TET3: variants seen among roughly 807,000 people sequenced by gnomAD.
TET3 encodes tet methylcytosine dioxygenase 3.
Under a neutral mutation model 141.4 loss-of-function variants are expected in TET3, and 19 were observed. That is an observed-to-expected ratio of 0.13 (90% CI 0.09 to 0.20). The LOEUF (loss-of-function observed/expected upper bound fraction) is 0.20. Among genes scored for constraint, TET3 ranks in the 10% least tolerant of loss-of-function variants. The pLI is 1.00. For missense variants in TET3, 1,874 were observed against 2,356.9 expected (o/e 0.80, Z 4.24); for synonymous variants, 1,043 against 980.9 (o/e 1.06, Z -1.18).
chr2:74,040,000 A>G (rs1687259387), intron 3 of TET3, among the ~76,000 whole-genome samples: 1 of 152,128 alleles, frequency 6.6e-6, no homozygotes, highest in African/African-American at 2.4e-5. Flanking sequence ...TCCATGGGGG[A>G]AATGTCCAAG....
chr2:74,022,854 G>A lies in TET3; in HGVS notation c.360+19688G>A, dbSNP rs187063218. On this transcript the variant is annotated intron_variant, in intron 3 of 11. Transcript: ENST00000409262. ...TGCAGTGGCATGATCTTGGCTCACC[G>A]CAACCTCCACCTCCCAGTTCAAGCG... 2.6e-3 allele frequency among the ~76,000 whole-genome samples: 392 copies of A among 152,096 alleles called. 2 individuals carry two copies. Among genetic ancestry groups the A allele is most frequent in the African/African-American group, 8.5e-3 (352 of 41,470 alleles).
chr2:74,068,108 G>A (rs1007681203), intron 4 of TET3, among the ~76,000 whole-genome samples: 1 of 152,084 alleles, frequency 6.6e-6, no homozygotes, highest in African/African-American at 2.4e-5. Flanking sequence ...ATGAGTAGAC[G>A]CCGTCAGTGG....
At chr2:73,985,812 G>T (rs1220564903) in intron 1 of TET3, among the ~76,000 whole-genome samples, 168 bp from the exon 2 acceptor site, 1 of 151,992 alleles carries the variant, frequency 6.6e-6, no homozygotes, top group African/African-American at 2.4e-5. Context: ...GCCTCCCTCA[G>T]ACAGGGAGCG....
chr2:74,125,092 T>A, the TET3 span, among the ~76,000 whole-genome samples: 1 of 151,920 alleles, frequency 6.6e-6, no homozygotes, highest in African/African-American at 2.4e-5. Context: ...CTGCATCCTC[T>A]GCCTCCTGGG....
chr2:74,087,773 C>G lies in TET3; in HGVS notation c.2680-57C>G, dbSNP rs1057255528. 6 of 1,480,192 alleles carry G rather than the reference C, an allele frequency of 4.1e-6. No individual in the cohort carries two copies. The Admixed American group carries it at 1.3e-4, about 32-fold the overall frequency. 91.7% of individuals were successfully genotyped at this position (1,480,192 alleles called of 1,614,324 possible). ...CTGTGTGACAAAGGGAGGGGTGGCA[C>G]CATGCAGAGGAGCACGGGTACCTGG... is the stretch of plus-strand genomic sequence containing the variant. On this transcript the variant is annotated intron_variant, in intron 6 of 11. Transcript: ENST00000409262. The surrounding 1 kb of genome is among the most constrained non-coding windows in gnomAD (Gnocchi z 4.3).
intron 5 of TET3, among the ~76,000 whole-genome samples, chr2:74,079,491 A>G (rs1190682454): frequency 6.6e-6 from 1 of 152,214 alleles, no homozygotes; most frequent in East Asian, 1.9e-4. Context: ...AAAACTGTTA[A>G]AAATAAGAAG....
chr2:74,063,862 C>T (rs1247852978), intron 4 of TET3, among the ~76,000 whole-genome samples: 1 of 148,456 alleles, frequency 6.7e-6, no homozygotes, highest in East Asian at 1.9e-4. Flanking sequence ...AGTTTGAGAC[C>T]ACCCTGGGCA....
intron 10 of TET3, among the ~76,000 whole-genome samples, chr2:74,096,752 G>A (rs1488964278): frequency 7.0e-6 from 1 of 143,134 alleles, no homozygotes; most frequent in African/African-American, 2.6e-5. Context: ...TGTGCAATAA[G>A]AGCAAAACTC....
intron 6 of TET3, among the ~76,000 whole-genome samples, chr2:74,084,676 A>T (rs949033243): frequency 3.9e-5 from 6 of 151,976 alleles, no homozygotes; most frequent in African/African-American, 1.5e-4. Flanking sequence ...GATGGTCTCG[A>T]TCTCCTGACC....
chr2:73,998,776 T>C (rs1358849038), intron 2 of TET3, among the ~76,000 whole-genome samples: 1 of 151,866 alleles, frequency 6.6e-6, no homozygotes, highest in Non-Finnish European at 1.5e-5. Flanking sequence ...AAACATAGGC[T>C]CTGAAGGTGG....
At chr2:74,021,205 A>C (rs1431290815) in intron 3 of TET3, among the ~76,000 whole-genome samples, 1 of 152,190 alleles carries the variant, frequency 6.6e-6, no homozygotes, top group East Asian at 1.9e-4. Flanking sequence ...ATGAGGCCCC[A>C]GCTGCATCCA....
the TET3 span, among the ~76,000 whole-genome samples, chr2:74,118,524 A>G: frequency 6.6e-6 from 1 of 152,212 alleles, no homozygotes; most frequent in Non-Finnish European, 1.5e-5. Flanking sequence ...TATAATACAT[A>G]TAACATACAA....
At chr2:74,127,447 A>G in the TET3 span, among the ~76,000 whole-genome samples, 1 of 152,306 alleles carries the variant, frequency 6.6e-6, no homozygotes, top group Admixed American at 6.5e-5. Context: ...AACCATGGGG[A>G]TTGGTTCTAA....
Position 74,105,042 on chromosome 2 carries a change from TC to T in TET3, c.*2873del, listed in dbSNP as rs760284654. On this transcript the variant is annotated 3_prime_UTR_variant, in exon 12 of 12. Coordinates refer to ENST00000409262, the MANE Select transcript of TET3 (RefSeq NM_001287491.2). ...AAAAGTAACTATGCACAGCTCTTTA[TC>T]CCCCCCTTGCTGCTGAAGCTTTCTT... The T allele has an allele frequency of 1.1e-4, 42 of 397,504 alleles. No homozygotes were observed. Among genetic ancestry groups the T allele is most frequent in the African/African-American group, 6.6e-4 (32 of 48,574 alleles). The allele number at this position is 397,504 out of a possible 1,614,324, so 24.6% of individuals were successfully genotyped here.
chr2:74,126,976 A>G, the TET3 span, among the ~76,000 whole-genome samples: 1 of 152,238 alleles, frequency 6.6e-6, no homozygotes, highest in Non-Finnish European at 1.5e-5. Context: ...AATTGGTCAC[A>G]TGCATAGACA....
At chr2:74,010,306 G>T (rs539996288) in intron 3 of TET3, among the ~76,000 whole-genome samples, 49 of 152,336 alleles carry the variant, frequency 3.2e-4, no homozygotes, top group African/African-American at 1.1e-3. Flanking sequence ...TGTGGGGGGT[G>T]TTGCTCCCCG....
chr2:74,057,628 C>G (rs149399759), intron 4 of TET3, among the ~76,000 whole-genome samples: 1 of 152,300 alleles, frequency 6.6e-6, no homozygotes, highest in East Asian at 1.9e-4. Context: ...TTGGCAATAT[C>G]TGAGGACATT....
intron 3 of TET3, among the ~76,000 whole-genome samples, chr2:74,025,906 G>A (rs1473367302): frequency 6.6e-6 from 1 of 152,038 alleles, no homozygotes; most frequent in Non-Finnish European, 1.5e-5. Context: ...GAGTTTGAGA[G>A]CAGCTTGGGC....
rs921002153 is a variant in TET3 at position 74,102,059 on chromosome 2, A to G, written c.5271A>G (p.Lys1757=). The part of the protein sequence containing the change: ...GGTVVAEPQQ[K]EKKGVVPTRQ... ...CTGTGGTTGCTGAGCCCCAGCAGAA[A>G]GAGAAGAAGGGGGTCGTCCCCACCC... The change falls in exon 12 of 12, where the codon AAA becomes AAG. Residue 1757 remains lysine, a synonymous_variant. Coordinates refer to ENST00000409262, the MANE Select transcript of TET3 (RefSeq NM_001287491.2). 6 of 1,529,246 alleles carry G rather than the reference A, an allele frequency of 3.9e-6. No individual in the cohort carries two copies. Among genetic ancestry groups the G allele is most frequent in the Non-Finnish European group, 3.5e-6 (4 of 1,139,734 alleles). 94.7% of individuals were successfully genotyped at this position (1,529,246 alleles called of 1,614,324 possible). A position where few individuals can be genotyped will look rare whatever the true frequency, so the allele number is the denominator to read the frequency against.
Sources: allele counts gnomAD v4.1 joint callset (sites outside exome capture counted in the v4.1 genomes callset), GRCh38; gene constraint gnomAD v4.1.1; non-coding constraint Gnocchi (gnomAD v3.1); transcripts MANE v1.5; gene names NCBI Gene and HGNC (gene_info 2026-07-23, HGNC 2026-07-21).